Variants in HDAC9 observed in about 807,000 individuals in gnomAD.
HDAC9 encodes the protein histone deacetylase 9.
A neutral mutation model predicts 139.4 loss-of-function variants in HDAC9; 41 were observed. That is an observed-to-expected ratio of 0.29 (90% CI 0.23 to 0.38). HDAC9 has a LOEUF of 0.38. Ranked by LOEUF, HDAC9 falls within the 10% of genes least tolerant of loss-of-function variation. HDAC9 has a pLI of 1.00. For missense variants in HDAC9, 1,147 were observed against 1,297.0 expected (o/e 0.88, Z 1.78); for synonymous variants, 517 against 476.2 (o/e 1.09, Z -1.12).
chr7:18,494,787 G>T (rs1057159153), upstream of HDAC9, among the ~76,000 whole-genome samples: 6 of 151,838 alleles, frequency 4.0e-5, no homozygotes, highest in East Asian at 1.2e-3. Context: ...GTCATAGTTG[G>T]GTACTAACCA....
At chr7:18,622,719 T>A (rs571149528) in intron 6 of HDAC9, among the ~76,000 whole-genome samples, 59 of 152,188 alleles carry the variant, frequency 3.9e-4, no homozygotes, top group Non-Finnish European at 6.8e-4. Context: ...ATTAACACAA[T>A]GGAAAATTTT....
At position 18,764,792 on chromosome 7, in the gene HDAC9, T is replaced by C. The variant is rs964485238; in HGVS notation, c.2165-2314T>C. On this transcript the variant is annotated intron_variant, in intron 15 of 25. Coordinates refer to ENST00000686413, the MANE Select transcript of HDAC9 (RefSeq NM_178425.4). ...TTCCTCCCAACACATATGGGAGATGTCTTTTCTGAGTTAAATTAATGCTAT... is the reference window on the plus strand; with the variant it reads ...TTCCTCCCAACACATATGGGAGATGCCTTTTCTGAGTTAAATTAATGCTAT... Among the ~76,000 whole-genome samples, 20 of 152,294 alleles carry C rather than the reference T, an allele frequency of 1.3e-4. No homozygotes were observed. The East Asian group carries it at 2.9e-3, about 22-fold the overall frequency.
rs545641741 is a variant in HDAC9 at position 18,895,833 on chromosome 7, G to A, written c.2803+21237G>A. Among the ~76,000 whole-genome samples, 3 of 152,026 alleles carry A rather than the reference G, an allele frequency of 2.0e-5. No homozygotes were observed. In the East Asian group the frequency reaches 5.8e-4, roughly 29 times the overall value. ...TATACTCAATTTCCAAGAGTTTCCTGTTTAGAGACTTGAAATGCAGCTTAG... is the reference window on the plus strand; with the variant it reads ...TATACTCAATTTCCAAGAGTTTCCTATTTAGAGACTTGAAATGCAGCTTAG... On this transcript the variant is annotated intron_variant, in intron 22 of 25. Coordinates refer to ENST00000686413, the MANE Select transcript of HDAC9 (RefSeq NM_178425.4).
chr7:18,949,073 G>A (rs543747429), intron 23 of HDAC9: 68 of 363,062 alleles, frequency 1.9e-4, no homozygotes, highest in East Asian at 1.7e-3. Flanking sequence ...TCCTTTTAGC[G>A]TTTTGGGAGG....
At chr7:18,203,370 G>T (rs1414005439) in intron 2 of HDAC9, among the ~76,000 whole-genome samples, 1 of 152,060 alleles carries the variant, frequency 6.6e-6, no homozygotes, top group East Asian at 1.9e-4. Context: ...AAATTATTTT[G>T]TGCAGTTTTC....
At chr7:18,263,574 G>C (rs1357995013) in intron 2 of HDAC9, among the ~76,000 whole-genome samples, 1 of 151,628 alleles carries the variant, frequency 6.6e-6, no homozygotes, top group Non-Finnish European at 1.5e-5. Context: ...CCTCATCCCT[G>C]TGGACTCAGA....
At chr7:18,803,005 T>A (rs1298822380) in intron 17 of HDAC9, among the ~76,000 whole-genome samples, 1 of 151,884 alleles carries the variant, frequency 6.6e-6, no homozygotes, top group African/African-American at 2.4e-5. Flanking sequence ...GAAACATATC[T>A]CTATCATCTT....
intron 12 of HDAC9, among the ~76,000 whole-genome samples, chr7:18,718,191 C>A (rs1361633316): frequency 1.3e-5 from 2 of 152,040 alleles, no homozygotes; most frequent in African/African-American, 4.8e-5. Context: ...GTGTGTTCTG[C>A]ATATTTTATG....
At chr7:18,440,143 G>A (rs1562989421) in intron 1 of HDAC9, among the ~76,000 whole-genome samples, 1 of 151,410 alleles carries the variant, frequency 6.6e-6, no homozygotes, top group African/African-American at 2.4e-5. Flanking sequence ...TTGTCTTTGG[G>A]ATACTGTGAA....
intron 16 of HDAC9, among the ~76,000 whole-genome samples, chr7:18,775,398 G>A (rs1320586828): frequency 6.6e-6 from 1 of 152,042 alleles, no homozygotes; most frequent in Non-Finnish European, 1.5e-5. Flanking sequence ...GTGAAGCACA[G>A]TAAAACAAGG....
intron 14 of HDAC9, among the ~76,000 whole-genome samples, chr7:18,755,841 T>G (rs886792297): frequency 2.0e-5 from 3 of 152,156 alleles, no homozygotes; most frequent in Non-Finnish European, 2.9e-5. Flanking sequence ...AGTGACTGAA[T>G]CAAGCAGTAT....
intron 1 of HDAC9, among the ~76,000 whole-genome samples, chr7:18,363,977 G>T (rs1313102847): frequency 6.6e-6 from 1 of 152,112 alleles, no homozygotes. Context: ...CATTCTGAAT[G>T]GTTGGGCTTT....
intron 17 of HDAC9, among the ~76,000 whole-genome samples, chr7:18,799,948 A>G (rs533042279): frequency 6.6e-6 from 1 of 152,336 alleles, no homozygotes; most frequent in African/African-American, 2.4e-5. Context: ...TCAGAGATCC[A>G]TACCTAGACG....
chr7:18,679,672 G>A (rs2129089276), intron 12 of HDAC9, among the ~76,000 whole-genome samples: 1 of 150,368 alleles, frequency 6.7e-6, no homozygotes, highest in East Asian at 2.0e-4. Flanking sequence ...ACCGTGTTCT[G>A]TTAATTCAGT....
At chr7:18,649,432 G>A (rs1345051906) in intron 11 of HDAC9, among the ~76,000 whole-genome samples, 6 of 152,004 alleles carry the variant, frequency 3.9e-5, no homozygotes, top group African/African-American at 1.2e-4. Context: ...TCTCATTCCT[G>A]GAAAATTCCT....
At chr7:18,459,993 C>T (rs1016613387) in intron 1 of HDAC9, among the ~76,000 whole-genome samples, 2 of 148,506 alleles carry the variant, frequency 1.3e-5, no homozygotes, top group Admixed American at 6.7e-5. Flanking sequence ...ACCCATGGCT[C>T]ACTGGAGCCT....
chr7:18,918,267 G>A (rs1277074235), intron 22 of HDAC9, among the ~76,000 whole-genome samples: 1 of 151,686 alleles, frequency 6.6e-6, no homozygotes, highest in Non-Finnish European at 1.5e-5. Flanking sequence ...GGAGTGCTGA[G>A]GCCAGTCTCT....
rs1186458999 is a variant in HDAC9 at position 19,001,889 on chromosome 7, A to G, written c.*5827A>G. 1 of 152,088 alleles carries G rather than the reference A, an allele frequency of 6.6e-6. No homozygotes were observed. The highest frequency in any genetic ancestry group is 1.5e-5 in the Non-Finnish European group (1 of 67,972). 9.4% of individuals were successfully genotyped at this position (152,088 alleles called of 1,614,324 possible). A position where few individuals can be genotyped will look rare whatever the true frequency, so the allele number is the denominator to read the frequency against. ...GGCAGGCAGGAAACCAATATTTAGT[A>G]CTTTTGTGATTAAACATTCTAGACC... On this transcript the variant is annotated 3_prime_UTR_variant, in exon 26 of 26. Coordinates refer to ENST00000686413, the MANE Select transcript of HDAC9 (RefSeq NM_178425.4).
chr7:18,627,458 C>T (rs535247194), intron 6 of HDAC9, among the ~76,000 whole-genome samples: 1 of 152,190 alleles, frequency 6.6e-6, no homozygotes, highest in East Asian at 1.9e-4. Flanking sequence ...TATTTATTAT[C>T]TATAACTTTT....
Sources: allele counts gnomAD v4.1 joint callset (sites outside exome capture counted in the v4.1 genomes callset), GRCh38; gene constraint gnomAD v4.1.1; transcripts MANE v1.5; gene names NCBI Gene and HGNC (gene_info 2026-07-23, HGNC 2026-07-21).